TMC1: variants seen among roughly 807,000 people sequenced by gnomAD.
TMC1 encodes the protein transmembrane channel like 1.
In TMC1, 84 loss-of-function variants were observed where a neutral mutation model predicts 105.8. The observed-to-expected ratio is 0.79, with a 90% CI of 0.67 to 0.95. TMC1 has a LOEUF of 0.95. Among genes scored for constraint, TMC1 ranks in the 40% least tolerant of loss-of-function variants. TMC1 has a pLI of 0.00. For synonymous variants in TMC1, 315 were observed against 311.5 expected, an observed-to-expected ratio of 1.01 and a Z score of -0.12; for missense variants, 817 against 914.1, an observed-to-expected ratio of 0.89 and a Z score of 1.37.
intron 20 of TMC1, 104 bp downstream of exon 20, chr9:72,821,185 A>G: frequency 6.4e-7 from 1 of 1,554,476 alleles, no homozygotes. Context: ...AAACAATGAC[A>G]TTTTTGGTTG....
At chr9:72,547,013 G>A (rs908208476) in intron 1 of TMC1, among the ~76,000 whole-genome samples, 4 of 152,124 alleles carry the variant, frequency 2.6e-5, no homozygotes, top group Non-Finnish European at 4.4e-5. Context: ...AAGGCCAGGC[G>A]CGATGGCTCA....
chr9:72,534,641 C>T (rs535254916), intron 1 of TMC1, among the ~76,000 whole-genome samples: 13 of 152,106 alleles, frequency 8.5e-5, no homozygotes, highest in South Asian at 6.2e-4. Context: ...ATTAGAAAAA[C>T]GTTAATGAAA....
intron 1 of TMC1, among the ~76,000 whole-genome samples, chr9:72,571,623 T>C (rs1824287970): frequency 6.6e-6 from 1 of 151,738 alleles, no homozygotes; most frequent in African/African-American, 2.4e-5. Flanking sequence ...ATTTTTTGTA[T>C]TTTTAGTAAA....
intron 1 of TMC1, among the ~76,000 whole-genome samples, chr9:72,562,126 C>G (rs1227798094): frequency 1.3e-5 from 2 of 152,168 alleles, no homozygotes; most frequent in Non-Finnish European, 2.9e-5. Context: ...TACGTAGTTA[C>G]CATTCTGTCC....
At chr9:72,748,905 C>T (rs577757217) in intron 10 of TMC1, among the ~76,000 whole-genome samples, 1 of 152,246 alleles carries the variant, frequency 6.6e-6, no homozygotes, top group African/African-American at 2.4e-5. Flanking sequence ...CTGGGTCTTT[C>T]CTATAATCGT....
At chr9:72,769,874 C>A (rs1827897419) in intron 12 of TMC1, among the ~76,000 whole-genome samples, 1 of 152,170 alleles carries the variant, frequency 6.6e-6, no homozygotes, top group African/African-American at 2.4e-5. Flanking sequence ...AGGATATAAT[C>A]TTTAAACCAA....
At chr9:72,552,986 T>G (rs1164173767) in intron 1 of TMC1, among the ~76,000 whole-genome samples, 2 of 152,150 alleles carry the variant, frequency 1.3e-5, no homozygotes, top group Admixed American at 1.3e-4. Flanking sequence ...TATAATTTTT[T>G]TTTTGAGATG....
intron 2 of TMC1, among the ~76,000 whole-genome samples, chr9:72,591,973 G>C (rs987638372): frequency 1.3e-5 from 2 of 152,164 alleles, no homozygotes; most frequent in Non-Finnish European, 2.9e-5. Flanking sequence ...CTAGTTGCTA[G>C]TTTAGAGATC....
At chr9:72,686,525 T>A (rs968065890) in intron 5 of TMC1, among the ~76,000 whole-genome samples, 1 of 152,194 alleles carries the variant, frequency 6.6e-6, no homozygotes, top group Non-Finnish European at 1.5e-5. Context: ...CAAATAATGT[T>A]CCATTAAAAT....
chr9:72,748,073 T>C (rs1298656811), intron 10 of TMC1, among the ~76,000 whole-genome samples: 2 of 152,144 alleles, frequency 1.3e-5, no homozygotes, highest in African/African-American at 4.8e-5. Flanking sequence ...ATGTTTATTG[T>C]ATATATCATA....
intron 1 of TMC1, among the ~76,000 whole-genome samples, chr9:72,537,490 A>G (rs937965732): frequency 1.1e-4 from 17 of 152,192 alleles, no homozygotes; most frequent in African/African-American, 4.1e-4. Context: ...TTGCTGCCAT[A>G]TCTAGTTTAC....
At chr9:72,787,133 T>C (rs551527773) in intron 13 of TMC1, among the ~76,000 whole-genome samples, 9 of 152,332 alleles carry the variant, frequency 5.9e-5, no homozygotes, top group South Asian at 4.1e-4. Context: ...GGTTCACTGC[T>C]GGATAATGTC....
chr9:72,720,449 C>T (rs1827002893), intron 8 of TMC1, among the ~76,000 whole-genome samples: 1 of 152,212 alleles, frequency 6.6e-6, no homozygotes, highest in Non-Finnish European at 1.5e-5. Context: ...GACCACACTT[C>T]TGTATCCTGT....
At chr9:72,630,485 A>G (rs1440926116) in intron 4 of TMC1, among the ~76,000 whole-genome samples, 1 of 152,228 alleles carries the variant, frequency 6.6e-6, no homozygotes, top group Non-Finnish European at 1.5e-5. Context: ...GAAAGTTATT[A>G]GAAATATTTA....
At chr9:72,638,711 T>C (rs182925036) in intron 4 of TMC1, among the ~76,000 whole-genome samples, 378 of 152,312 alleles carry the variant, frequency 2.5e-3, no homozygotes, top group Admixed American at 5.4e-3. Context: ...GATAGAAAGC[T>C]GCCCTCAGTC....
chr9:72,574,794 T>C (rs1025651186), intron 1 of TMC1, among the ~76,000 whole-genome samples: 4 of 152,196 alleles, frequency 2.6e-5, no homozygotes, highest in African/African-American at 9.7e-5. Context: ...TCTCTGACCA[T>C]ACATTCCTAC....
chr9:72,824,203 C>T (rs1459529119), intron 20 of TMC1, among the ~76,000 whole-genome samples: 8 of 152,202 alleles, frequency 5.3e-5, no homozygotes, highest in African/African-American at 1.4e-4. Context: ...GCAATGGTGC[C>T]CAAGTGCCTA....
At chr9:72,709,152 G>A (rs1826794246) in intron 8 of TMC1, among the ~76,000 whole-genome samples, 1 of 152,052 alleles carries the variant, frequency 6.6e-6, no homozygotes, top group Non-Finnish European at 1.5e-5. Flanking sequence ...CTGTTTATGT[G>A]TTGTGTCACA....
Position 72,709,902 on chromosome 9 carries a change from A to G in TMC1, c.362+9259A>G, listed in dbSNP as rs552150983. 9.9e-5 allele frequency among the ~76,000 whole-genome samples: 15 copies of G among 151,742 alleles called. No homozygotes were observed. In the South Asian group the frequency reaches 2.9e-3, roughly 29 times the overall value. On this transcript the variant is annotated intron_variant, in intron 8 of 23. Transcript: ENST00000297784. Reference sequence around the variant, plus strand: ...TCTTTGTTATTTCTTTTCTTCTACTATTTGGGTTTGGTTTGTTTTTCTAGT... The same window carrying G: ...TCTTTGTTATTTCTTTTCTTCTACTGTTTGGGTTTGGTTTGTTTTTCTAGT...
Sources: gnomAD v4.1 joint callset for allele counts (sites outside exome capture counted in the v4.1 genomes callset) on GRCh38, gnomAD v4.1.1 for gene constraint, MANE v1.5 for transcripts, NCBI Gene and HGNC (gene_info 2026-07-23, HGNC 2026-07-21) for gene names.